The following DBX2 variants were observed in gnomAD, a reference collection of about 807,000 sequenced individuals.
DBX2 encodes the protein homeobox protein DBX2.
Under a neutral mutation model 17.7 loss-of-function variants are expected in DBX2, and 16 were observed. The ratio of observed to expected loss-of-function variants is 0.90; its 90% CI spans 0.61 to 1.37. The LOEUF (loss-of-function observed/expected upper bound fraction) is 1.37, where lower values mean the gene tolerates loss of function less well. Ranked by LOEUF, DBX2 falls within the 40% of genes most tolerant of loss-of-function variation. The probability of loss-of-function intolerance (pLI) is 0.00; values close to 1 mark genes in which losing one functional copy is unlikely to be tolerated. For missense variants in DBX2, 538 were observed against 433.8 expected, an observed-to-expected ratio of 1.24 and a Z score of -2.13; for synonymous variants, 255 against 183.8, an observed-to-expected ratio of 1.39 and a Z score of -3.13.
chr12:45,049,581 T>C (rs561023134), intron 1 of DBX2, among the ~76,000 whole-genome samples: 2 of 151,882 alleles, frequency 1.3e-5, no homozygotes, highest in South Asian at 4.2e-4. Flanking sequence ...CAATGGAAAC[T>C]GCTGAAAAAG....
At chr12:45,034,170 C>T (rs1290053014) in intron 2 of DBX2, among the ~76,000 whole-genome samples, 1 of 151,862 alleles carries the variant, frequency 6.6e-6, no homozygotes, top group Non-Finnish European at 1.5e-5. Flanking sequence ...CCACCTATTA[C>T]ATGGAATTTT....
intron 3 of DBX2, among the ~76,000 whole-genome samples, chr12:45,020,675 G>GTATATATATATATATA (rs10649840): frequency 2.7e-5 from 4 of 146,010 alleles, no homozygotes; most frequent in African/African-American, 1.0e-4. Context: ...GTATATATAT[G>GTATATATATATATATA]TATATATATA....
chr12:45,019,994 T>C (rs953253498), intron 3 of DBX2, among the ~76,000 whole-genome samples: 9 of 152,192 alleles, frequency 5.9e-5, no homozygotes, highest in African/African-American at 2.2e-4. Context: ...TATATGATTC[T>C]ATTTACATAA....
intron 2 of DBX2, among the ~76,000 whole-genome samples, chr12:45,031,225 T>TGTCTGTGAGA (rs1377897653): frequency 1.2e-5 from 1 of 85,624 alleles, no homozygotes; most frequent in Non-Finnish European, 2.2e-5. Flanking sequence ...TGTGTGTGTG[T>TGTCTGTGAGA]GAGAGAGAGA....
chr12:45,038,929 T>A (rs367567119), intron 1 of DBX2, among the ~76,000 whole-genome samples: 1 of 152,014 alleles, frequency 6.6e-6, no homozygotes, highest in African/African-American at 2.4e-5. Flanking sequence ...AAAGTAATCA[T>A]AATCTACAGT....
intron 1 of DBX2, 125 bp downstream of exon 1, chr12:45,050,400 G>A (rs1193305114): frequency 6.1e-6 from 8 of 1,320,610 alleles, no homozygotes; most frequent in Admixed American, 2.7e-5. Context: ...AGCTCGAGAT[G>A]CTCCAGGAAG....
chr12:45,025,979 G>A (rs1946379148), intron 2 of DBX2, among the ~76,000 whole-genome samples: 1 of 151,782 alleles, frequency 6.6e-6, no homozygotes, highest in Non-Finnish European at 1.5e-5. Context: ...ATAAAGCAGA[G>A]GCTGCATGAG....
chr12:45,050,792 C>T lies in DBX2; in HGVS notation c.136G>A (p.Val46Ile). Residue 46 changes from valine (V) to isoleucine (I), a missense_variant, in exon 1 of 4, where the codon GTC becomes ATC. By Grantham distance (29) the Val-to-Ile change is conservative (BLOSUM62 3). Transcript: ENST00000332700. ...KSFLIENLLR[V>I]GGAPTPRLQP... is the part of the protein sequence containing the mutation. ...AGCCTGGGCGTTGGGGCGCCCCCGA[C>T]CCGCAGCAAATTCTCGATCAGGAAA... is the stretch of plus-strand genomic sequence containing the variant. 6.5e-7 allele frequency: 1 copy of T among 1,529,010 alleles called. No homozygotes were observed. The highest frequency in any genetic ancestry group is 1.4e-5 in the African/African-American group (1 of 70,004). 94.7% of individuals were successfully genotyped at this position (1,529,010 alleles called of 1,614,324 possible). A position where few individuals can be genotyped will look rare whatever the true frequency, so the allele number is the denominator to read the frequency against.
At chr12:45,032,439 T>C (rs1050194008) in intron 2 of DBX2, among the ~76,000 whole-genome samples, 4 of 151,956 alleles carry the variant, frequency 2.6e-5, no homozygotes, top group African/African-American at 4.8e-5. Flanking sequence ...CAGCTGAGAG[T>C]AGTAAAAGAG....
chr12:45,040,887 A>G (rs1220366861), intron 1 of DBX2, among the ~76,000 whole-genome samples: 10 of 152,086 alleles, frequency 6.6e-5, no homozygotes, highest in Non-Finnish European at 1.5e-4. Flanking sequence ...AATACAAACA[A>G]ATTATGGTAC....
At chr12:45,020,386 T>C (rs549423659) in intron 3 of DBX2, among the ~76,000 whole-genome samples, 3 of 152,126 alleles carry the variant, frequency 2.0e-5, no homozygotes, top group Non-Finnish European at 4.4e-5. Context: ...TTCTTTTTTA[T>C]GGGCAAATAA....
chr12:45,040,761 A>G (rs1358180564), intron 1 of DBX2, among the ~76,000 whole-genome samples: 1 of 152,198 alleles, frequency 6.6e-6, no homozygotes, highest in African/African-American at 2.4e-5. Flanking sequence ...CTGAGAAATT[A>G]TTCTGTTTTC....
At chr12:45,024,341 C>CT (rs1340026495) in intron 2 of DBX2, among the ~76,000 whole-genome samples, 1 of 152,186 alleles carries the variant, frequency 6.6e-6, no homozygotes, top group African/African-American at 2.4e-5. Flanking sequence ...AAACCTCTTT[C>CT]TTTTATAAAC....
chr12:45,036,489 G>A (rs2137027417), intron 1 of DBX2, among the ~76,000 whole-genome samples: 1 of 152,236 alleles, frequency 6.6e-6, no homozygotes, highest in South Asian at 2.1e-4. Context: ...AATGGTATCT[G>A]CTACCCACAT....
rs1422066000 is a variant in DBX2 at position 45,050,447 on chromosome 12, G to A, written c.403+78C>T. 23 of 1,500,114 alleles carry A rather than the reference G, an allele frequency of 1.5e-5. No individual in the cohort carries two copies. The South Asian group carries it at 2.6e-4, about 17-fold the overall frequency. The allele number at this position is 1,500,114 out of a possible 1,614,324, so 92.9% of individuals were successfully genotyped here. On this transcript the variant is annotated intron_variant, in intron 1 of 3. Transcript: ENST00000332700. ...GCTCTCCCTGGGCGCAGTGCGCACC[G>A]CCGGCGCTCCCAGATCCCTGGACCA...
Position 45,023,576 on chromosome 12 carries a change from A to C in DBX2, c.687+131T>G, listed in dbSNP as rs1479571882. The stretch of plus-strand genomic sequence containing the variant: ...GCCTGGTATAAGAAATATTTGCTAA[A>C]TAAATGGATTCCATTGTGTGCCTTA... On this transcript the variant is annotated intron_variant, in intron 3 of 3. Coordinates refer to ENST00000332700, the MANE Select transcript of DBX2 (RefSeq NM_001004329.3). The C allele has an allele frequency of 6.4e-6, 7 of 1,087,360 alleles. No individual in the cohort carries two copies. The East Asian group carries it at 1.7e-4, about 26-fold the overall frequency. 67.4% of individuals were successfully genotyped at this position (1,087,360 alleles called of 1,614,324 possible).
chr12:45,045,328 C>T (rs1224403613), intron 1 of DBX2, among the ~76,000 whole-genome samples: 2 of 152,216 alleles, frequency 1.3e-5, no homozygotes, highest in African/African-American at 2.4e-5. Context: ...AAGCAAGACC[C>T]TCAAAAGATC....
At chr12:45,035,893 G>A in intron 2 of DBX2, 126 bp downstream of exon 2, 1 of 861,392 alleles carries the variant, frequency 1.2e-6, no homozygotes, top group South Asian at 1.9e-5. Flanking sequence ...TAAGATCGCT[G>A]TGACTTTTAG....
chr12:45,021,383 TCATA>T (rs765101741), intron 3 of DBX2, among the ~76,000 whole-genome samples: 29 of 152,184 alleles, frequency 1.9e-4, no homozygotes, highest in Non-Finnish European at 3.5e-4. Flanking sequence ...GAGATTGTGG[TCATA>T]CCCCATAATT....
Sources: allele counts gnomAD v4.1 joint callset (sites outside exome capture counted in the v4.1 genomes callset), GRCh38; gene constraint gnomAD v4.1.1; transcripts MANE v1.5; gene names NCBI Gene and HGNC (gene_info 2026-07-23, HGNC 2026-07-21).